The following FRMD4A variants were observed in gnomAD, a reference collection of about 807,000 sequenced individuals.
The protein encoded by FRMD4A is FERM domain-containing protein 4A.
A neutral mutation model predicts 129.1 loss-of-function variants in FRMD4A; 29 were observed. The observed-to-expected ratio is 0.22, with a 90% CI of 0.17 to 0.31. The LOEUF (loss-of-function observed/expected upper bound fraction) is 0.31, where lower values mean the gene tolerates loss of function less well. Ranked by LOEUF, FRMD4A falls within the 10% of genes least tolerant of loss-of-function variation. FRMD4A has a pLI of 1.00. For missense variants in FRMD4A, 1,272 were observed against 1,375.8 expected (o/e 0.92, Z 1.19); for synonymous variants, 634 against 571.6 (o/e 1.11, Z -1.56).
chr10:13,698,542 T>A (rs928584820), intron 14 of FRMD4A, among the ~76,000 whole-genome samples: 1 of 152,228 alleles, frequency 6.6e-6, no homozygotes, highest in Non-Finnish European at 1.5e-5. Flanking sequence ...TCATCTCTGA[T>A]TTAATTTGCG....
intron 3 of FRMD4A, among the ~76,000 whole-genome samples, chr10:13,817,350 C>G (rs1483190384): frequency 6.6e-6 from 1 of 152,236 alleles, no homozygotes; most frequent in Non-Finnish European, 1.5e-5. Context: ...CAGCATATTA[C>G]AGGGTTCCAG....
At chr10:13,974,411 C>T (rs144615477) in intron 2 of FRMD4A, among the ~76,000 whole-genome samples, 1,668 of 152,176 alleles carry the variant, frequency 0.011, 27 homozygotes, top group Middle Eastern at 0.027. Context: ...CAGCAGCAGA[C>T]GCCTGTCTCT....
chr10:14,024,175 CT>C (rs1304710627), intron 2 of FRMD4A, among the ~76,000 whole-genome samples: 4 of 152,314 alleles, frequency 2.6e-5, no homozygotes, highest in African/African-American at 9.6e-5. Context: ...CACTCAGGCA[CT>C]GAGGAACTTT....
intron 8 of FRMD4A, among the ~76,000 whole-genome samples, chr10:13,761,239 C>T (rs941760623): frequency 2.0e-5 from 3 of 152,166 alleles, no homozygotes; most frequent in Non-Finnish European, 4.4e-5. Context: ...TATTTTGTCC[C>T]TTGAGGGGCA....
intron 2 of FRMD4A, among the ~76,000 whole-genome samples, chr10:14,009,209 T>A (rs1216486765): frequency 2.0e-5 from 3 of 152,152 alleles, no homozygotes; most frequent in Non-Finnish European, 4.4e-5. Context: ...TTCCCCTACC[T>A]TCCCCATCTC....
intron 2 of FRMD4A, among the ~76,000 whole-genome samples, chr10:13,883,629 A>G (rs1441114942): frequency 1.3e-5 from 2 of 152,224 alleles, no homozygotes; most frequent in Admixed American, 6.5e-5. Flanking sequence ...TCTATCGACT[A>G]ATTTACAACT....
At chr10:13,675,194 C>G in intron 15 of FRMD4A, 150 bp from the exon 16 acceptor site, 2 of 639,660 alleles carry the variant, frequency 3.1e-6, no homozygotes, top group Non-Finnish European at 5.4e-6. Context: ...AGCACTCTAA[C>G]TGTGAGAAGC....
At chr10:13,787,254 T>C (rs1334347228) in intron 5 of FRMD4A, among the ~76,000 whole-genome samples, 2 of 152,176 alleles carry the variant, frequency 1.3e-5, no homozygotes, top group Non-Finnish European at 2.9e-5. Context: ...CATATCATTG[T>C]TCTGTTAGGG....
At chr10:13,710,347 A>G (rs961997148) in intron 12 of FRMD4A, 4 of 152,164 alleles carry the variant, frequency 2.6e-5, no homozygotes, top group Admixed American at 6.6e-5. Flanking sequence ...TAAAACACAA[A>G]CCAAGCTTTG....
At chr10:14,214,037 C>T (rs1371816962) in intron 2 of FRMD4A, among the ~76,000 whole-genome samples, 1 of 152,254 alleles carries the variant, frequency 6.6e-6, no homozygotes, top group Non-Finnish European at 1.5e-5. Context: ...TGCACAAGCT[C>T]TCTTGGCTGC....
intron 15 of FRMD4A, among the ~76,000 whole-genome samples, chr10:13,682,493 CTTTCTTTTTTTTT>C (rs2084691193): frequency 1.0e-5 from 1 of 96,262 alleles, no homozygotes; most frequent in Admixed American, 1.0e-4. Context: ...CATTTTCTTT[CTTTCTTTTTTTTT>C]TTTTTTTTTT....
At chr10:13,698,604 C>G (rs2086467123) in intron 14 of FRMD4A, among the ~76,000 whole-genome samples, 1 of 152,182 alleles carries the variant, frequency 6.6e-6, no homozygotes, top group Admixed American at 6.5e-5. Context: ...TGATAGTATG[C>G]TAGATTAACT....
chr10:13,657,286 T>C lies in FRMD4A; in HGVS notation c.2303A>G (p.Tyr768Cys). 6.2e-7 allele frequency: 1 copy of C among 1,607,146 alleles called. No individual in the cohort carries two copies. Residue 768 changes from tyrosine to cysteine, a missense_variant, in exon 22 of 25, where the codon TAC becomes TGC. This residue lies in a region of FRMD4A where 972 missense variants were observed against 892.3 expected (regional missense o/e 1.09). Transcript: ENST00000357447. ...HYYPAQMNANYSTLAEDSPSK... is the reference protein window; with the variant it reads ...HYYPAQMNANCSTLAEDSPSK... ...CGGCGAGTCCTCGGCCAGCGTGGAGTAGTTGGCGTTCATCTGCGCCGGGTA... is the reference window on the plus strand; with the variant it reads ...CGGCGAGTCCTCGGCCAGCGTGGAGCAGTTGGCGTTCATCTGCGCCGGGTA...
chr10:13,869,626 A>G (rs2094416940), intron 2 of FRMD4A, among the ~76,000 whole-genome samples: 1 of 152,244 alleles, frequency 6.6e-6, no homozygotes, highest in South Asian at 2.1e-4. Context: ...AGCCGCTCAC[A>G]GGTGGCGGGC....
At chr10:13,716,522 T>G (rs2088826839) in intron 12 of FRMD4A, among the ~76,000 whole-genome samples, 1 of 152,208 alleles carries the variant, frequency 6.6e-6, no homozygotes, top group Non-Finnish European at 1.5e-5. Flanking sequence ...GGCTAATTCT[T>G]CTCTGCAGCC....
intron 2 of FRMD4A, among the ~76,000 whole-genome samples, chr10:14,318,612 C>CAAAAA (rs66547751): frequency 7.4e-6 from 1 of 135,032 alleles, no homozygotes; most frequent in African/African-American, 2.9e-5. Context: ...TGCTAGTATG[C>CAAAAA]AAAAAAAAAA....
intron 2 of FRMD4A, among the ~76,000 whole-genome samples, chr10:13,896,634 A>G (rs1045368656): frequency 6.6e-6 from 1 of 152,148 alleles, no homozygotes; most frequent in Non-Finnish European, 1.5e-5. Flanking sequence ...CAGTATACCT[A>G]TGTAACAAAC....
intron 2 of FRMD4A, among the ~76,000 whole-genome samples, chr10:14,215,554 G>A (rs1016189032): frequency 6.6e-6 from 1 of 152,004 alleles, no homozygotes; most frequent in Non-Finnish European, 1.5e-5. Context: ...CTCCTTCTTA[G>A]AGCAAAAGAA....
chr10:13,679,472 T>TACACACACACACACACACACACACACAC (rs1169130994), intron 15 of FRMD4A, among the ~76,000 whole-genome samples: 2 of 21,394 alleles, frequency 9.3e-5, no homozygotes, highest in South Asian at 2.8e-3. Context: ...TATATATATA[T>TACACACACACACACACACACACACACAC]ATACACACAC....
Sources: gnomAD v4.1 joint callset for allele counts (sites outside exome capture counted in the v4.1 genomes callset) on GRCh38, gnomAD v4.1.1 for gene constraint, gnomAD v4.1.1 regional missense constraint, MANE v1.5 for transcripts, NCBI Gene and HGNC (gene_info 2026-07-23, HGNC 2026-07-21) for gene names.